The following IST1 variants were observed in gnomAD, a reference collection of about 807,000 sequenced individuals.
The protein encoded by IST1 is IST1 homolog.
A neutral mutation model predicts 37.0 loss-of-function variants in IST1; 23 were observed. The observed-to-expected ratio is 0.62, with a 90% CI of 0.45 to 0.88. The LOEUF (loss-of-function observed/expected upper bound fraction) is 0.88. IST1 is among the 40% of genes least tolerant of loss of function. The pLI is 0.00. For synonymous variants in IST1, 180 were observed against 161.7 expected, an observed-to-expected ratio of 1.11 and a Z score of -0.86; for missense variants, 488 against 445.4, an observed-to-expected ratio of 1.10 and a Z score of -0.86.
rs764793747 is a variant in IST1, at chr16:71,927,829, C to T, written c.*16C>T. 2 of 1,596,812 alleles carry T rather than the reference C, an allele frequency of 1.3e-6. No individual in the cohort carries two copies. Among genetic ancestry groups the T allele is most frequent in the Non-Finnish European group, 1.7e-6 (2 of 1,165,972 alleles). On this transcript the variant is annotated 3_prime_UTR_variant, in exon 10 of 10. Transcript: ENST00000378799. ...GAAAACATAGGTCTCTTAAACCAGG[C>T]AACTTTCACGTTTTGGGAGTTGAGA...
At chr16:71,907,079 A>G (rs2037240133) in intron 1 of IST1, among the ~76,000 whole-genome samples, 1 of 152,106 alleles carries the variant, frequency 6.6e-6, no homozygotes, top group African/African-American at 2.4e-5. Context: ...GAGTCTGGAC[A>G]TGAATTTCTT....
At chr16:71,922,333 G>A in intron 6 of IST1, 141 bp from the exon 7 acceptor site, 2 of 713,532 alleles carry the variant, frequency 2.8e-6, no homozygotes, top group South Asian at 1.7e-5. Flanking sequence ...ACCTAACTCT[G>A]CCTTTTCTTC....
At position 71,921,399 on chromosome 16, in the gene IST1, G is replaced by T. The variant is rs2037580047; in HGVS notation, c.498G>T (p.Leu166=). The T allele has an allele frequency of 1.9e-6, 3 of 1,613,764 alleles. No homozygotes were observed. Among genetic ancestry groups the T allele is most frequent in the Non-Finnish European group, 2.5e-6 (3 of 1,179,830 alleles). Residue 166 remains leucine (L), a synonymous_variant, in exon 6 of 10, where the codon CTG becomes CTT. Transcript: ENST00000378799. ...CCAAAATCCTGGTGGAGAGATACCT[G>T]ATTGAAATTGCAAAGAATTACAACG... ...APPKILVERY[L]IEIAKNYNVP... is the part of the protein sequence containing the mutation.
At chr16:71,911,357 T>TA (rs754983217) in intron 1 of IST1, among the ~76,000 whole-genome samples, 289 of 57,308 alleles carry the variant, frequency 5.0e-3, no homozygotes, top group Admixed American at 7.7e-3. Flanking sequence ...TTACCTTTTT[T>TA]TAAAAAAAAC....
chr16:71,899,340 A>T (rs1024629011), intron 1 of IST1, among the ~76,000 whole-genome samples: 1 of 152,032 alleles, frequency 6.6e-6, no homozygotes, highest in Non-Finnish European at 1.5e-5. Flanking sequence ...GCACTTCGGG[A>T]GGTTGAGGCG....
chr16:71,913,278 C>CT (rs112350785), intron 1 of IST1, among the ~76,000 whole-genome samples: 7,162 of 145,820 alleles, frequency 0.049, 531 homozygotes, highest in African/African-American at 0.17. Context: ...TTGAAATTTT[C>CT]TTTTTTTTTT....
rs1460178474 is a variant in IST1 at position 71,930,237 on chromosome 16, C to A, written c.*2424C>A. ...GACTGACAATTTAGTTTATACTTTA[C>A]AAACATAAGCTATATGCTAGTGTTT... On this transcript the variant is annotated 3_prime_UTR_variant, in exon 10 of 10. Transcript: ENST00000378799. The A allele has an allele frequency of 4.1e-6, 6 of 1,471,210 alleles. No individual in the cohort carries two copies. Among genetic ancestry groups the A allele is most frequent in the African/African-American group, 1.4e-5 (1 of 70,388 alleles). 91.1% of individuals were successfully genotyped at this position (1,471,210 alleles called of 1,614,324 possible). A position where few individuals can be genotyped will look rare whatever the true frequency, so the allele number is the denominator to read the frequency against.
In IST1 at chr16:71,924,857, G is replaced by A. The variant is rs775196005; in HGVS notation, c.901+40G>A. On this transcript the variant is annotated intron_variant, in intron 9 of 9. Coordinates refer to ENST00000378799, the MANE Select transcript of IST1 (RefSeq NM_001270975.2). Reference sequence around the variant, plus strand: ...TCAGAAACCTGCAGAGCTCAGTGCTGAACCCTCTGCTGTTTTCTCATTATT... The same window carrying A: ...TCAGAAACCTGCAGAGCTCAGTGCTAAACCCTCTGCTGTTTTCTCATTATT... 1.9e-5 allele frequency: 26 copies of A among 1,372,988 alleles called. No homozygotes were observed. In the South Asian group the frequency reaches 2.8e-4, roughly 15 times the overall value. 85.1% of individuals were successfully genotyped at this position (1,372,988 alleles called of 1,614,324 possible). A position where few individuals can be genotyped will look rare whatever the true frequency, so the allele number is the denominator to read the frequency against.
chr16:71,929,976 C>T lies in IST1; in HGVS notation c.*2163C>T, dbSNP rs1334814129. ...CTGTGCATTATAAATTATGTCAGCC[C>T]GTCATCTTAGGGGCAGTTACAGTGG... On this transcript the variant is annotated 3_prime_UTR_variant, in exon 10 of 10. Coordinates refer to ENST00000378799, the MANE Select transcript of IST1 (RefSeq NM_001270975.2). 5.1e-5 allele frequency: 72 copies of T among 1,420,152 alleles called. No homozygotes were observed. Among genetic ancestry groups the T allele is most frequent in the Non-Finnish European group, 6.0e-5 (64 of 1,061,748 alleles). The allele number at this position is 1,420,152 out of a possible 1,614,324, so 88.0% of individuals were successfully genotyped here.
chr16:71,897,236 G>T lies in IST1; in HGVS notation c.-16+1647G>T, dbSNP rs1192998383. ...AGAGTTTCTTAATGTTGCCCAGACT[G>T]GTCTTGAACTCGTGGGCTCAAGTGA... On this transcript the variant is annotated intron_variant, in intron 1 of 9. Transcript: ENST00000378799. 2.0e-5 allele frequency among the ~76,000 whole-genome samples: 3 copies of T among 149,966 alleles called. No individual in the cohort carries two copies. The East Asian group carries it at 5.9e-4, about 29-fold the overall frequency.
intron 6 of IST1, 48 bp from the exon 7 acceptor site, chr16:71,922,426 C>T (rs768348380): frequency 2.0e-6 from 3 of 1,520,166 alleles, no homozygotes; most frequent in Admixed American, 1.7e-5. Flanking sequence ...TCTGGGGAAC[C>T]TGGCCTTGGA....
intron 1 of IST1, among the ~76,000 whole-genome samples, chr16:71,900,081 G>T (rs1341904745): frequency 1.3e-5 from 2 of 150,526 alleles, no homozygotes; most frequent in Non-Finnish European, 2.9e-5. Context: ...CAGGAGAATC[G>T]CTTGGACCTG....
intron 7 of IST1, 173 bp downstream of exon 7, chr16:71,922,853 TTCTAGTTCAGCTGTAGGAAAA>T: frequency 3.2e-6 from 2 of 626,902 alleles, no homozygotes; most frequent in Non-Finnish European, 5.6e-6. Flanking sequence ...AGAGAAGGTC[TTCTAGTTCAGCTGTAGGAAAA>T]TCTATAGAGT....
At chr16:71,906,741 T>C (rs1259219937) in intron 1 of IST1, among the ~76,000 whole-genome samples, 3 of 152,350 alleles carry the variant, frequency 2.0e-5, no homozygotes, top group African/African-American at 7.2e-5. Flanking sequence ...ACAGTTCTTT[T>C]TTTTCAGCAC....
chr16:71,903,170 G>A (rs2037145945), intron 1 of IST1: 1 of 152,112 alleles, frequency 6.6e-6, no homozygotes, highest in African/African-American at 2.4e-5. Flanking sequence ...TGTAGAGAAT[G>A]GGGTCTTGCT....
At chr16:71,924,952 C>A in intron 9 of IST1, 135 bp downstream of exon 9, 1 of 631,094 alleles carries the variant, frequency 1.6e-6, no homozygotes, top group Non-Finnish European at 2.8e-6. Flanking sequence ...TTCCCAAATG[C>A]TAAAATAGAA....
At chr16:71,909,334 G>A (rs1329070258) in intron 1 of IST1, among the ~76,000 whole-genome samples, 2 of 152,070 alleles carry the variant, frequency 1.3e-5, no homozygotes, top group Non-Finnish European at 2.9e-5. Context: ...TTGAACACCG[G>A]CCTCAAGCGA....
chr16:71,906,644 GT>G (rs1242017500), intron 1 of IST1, among the ~76,000 whole-genome samples: 1 of 152,072 alleles, frequency 6.6e-6, no homozygotes, highest in African/African-American at 2.4e-5. Flanking sequence ...AGGTCTACTG[GT>G]GACAAATTCT....
At chr16:71,912,890 C>T (rs1009798345) in intron 1 of IST1, among the ~76,000 whole-genome samples, 2 of 152,120 alleles carry the variant, frequency 1.3e-5, no homozygotes, top group Non-Finnish European at 2.9e-5. Flanking sequence ...ACCATGATGT[C>T]CTCAAATTTC....
Sources: gnomAD v4.1 joint callset for allele counts (sites outside exome capture counted in the v4.1 genomes callset) on GRCh38, gnomAD v4.1.1 for gene constraint, MANE v1.5 for transcripts, NCBI Gene and HGNC (gene_info 2026-07-23, HGNC 2026-07-21) for gene names.